Variants in RBFOX1 observed in about 807,000 individuals in gnomAD.
The protein encoded by RBFOX1 is RNA binding fox-1 homolog 1.
RBFOX1 carries 8 observed loss-of-function variants against 57.7 expected under a neutral mutation model. The observed-to-expected ratio is 0.14, with a 90% CI of 0.08 to 0.25. RBFOX1 has a LOEUF of 0.25. RBFOX1 is among the 10% of genes least tolerant of loss of function. The pLI is 1.00. For synonymous variants in RBFOX1, 326 were observed against 222.4 expected, an observed-to-expected ratio of 1.47 and a Z score of -4.15; for missense variants, 611 against 548.5, an observed-to-expected ratio of 1.11 and a Z score of -1.14.
intron 1 of RBFOX1, among the ~76,000 whole-genome samples, chr16:5,265,483 G>T (rs1212505516): frequency 6.6e-6 from 1 of 152,142 alleles, no homozygotes; most frequent in Non-Finnish European, 1.5e-5. Context: ...AGAACCCAGA[G>T]AATTGGATTT....
chr16:6,939,383 A>ATGTGTGTG (rs139095238), intron 3 of RBFOX1, among the ~76,000 whole-genome samples: 3 of 149,368 alleles, frequency 2.0e-5, no homozygotes, highest in African/African-American at 7.4e-5. Context: ...ATATATGTGT[A>ATGTGTGTG]TGTGTGTGTG....
chr16:6,520,076 C>T (rs17540821), intron 2 of RBFOX1, among the ~76,000 whole-genome samples: 11 of 152,158 alleles, frequency 7.2e-5, no homozygotes, highest in Middle Eastern at 3.2e-3. Flanking sequence ...TATTTCGTGA[C>T]CAGAGACCAG....
intron 4 of RBFOX1, among the ~76,000 whole-genome samples, chr16:5,978,124 C>T (rs992323458): frequency 8.3e-5 from 6 of 72,078 alleles, no homozygotes; most frequent in African/African-American, 3.5e-4. Context: ...AATCCTGTCT[C>T]TTCCAAAAAA....
chr16:5,285,988 T>C (rs1488847768), intron 1 of RBFOX1, among the ~76,000 whole-genome samples: 1 of 152,178 alleles, frequency 6.6e-6, no homozygotes. Flanking sequence ...GCCGGGCTGG[T>C]CTCGAACTCC....
chr16:6,500,791 A>G (rs1312044642), intron 2 of RBFOX1, among the ~76,000 whole-genome samples: 2 of 151,810 alleles, frequency 1.3e-5, no homozygotes, highest in Non-Finnish European at 2.9e-5. Flanking sequence ...CAACTGTGAT[A>G]TGTGTGCAGG....
chr16:7,249,635 G>C (rs1363141591), intron 4 of RBFOX1, among the ~76,000 whole-genome samples: 1 of 151,078 alleles, frequency 6.6e-6, no homozygotes, highest in Non-Finnish European at 1.5e-5. Flanking sequence ...ATAATGAAAG[G>C]GCTGAAGAAT....
chr16:6,075,748 G>A (rs908770044), intron 1 of RBFOX1, among the ~76,000 whole-genome samples: 2 of 152,186 alleles, frequency 1.3e-5, no homozygotes, highest in Non-Finnish European at 2.9e-5. Flanking sequence ...AGTCCCAGAA[G>A]GAACTTGGGG....
intron 4 of RBFOX1, among the ~76,000 whole-genome samples, chr16:7,311,669 C>T (rs1302913795): frequency 2.6e-5 from 4 of 152,056 alleles, no homozygotes; most frequent in Non-Finnish European, 4.4e-5. Context: ...ATATTGGTAC[C>T]TAAACCCAGA....
intron 3 of RBFOX1, among the ~76,000 whole-genome samples, chr16:6,702,574 C>A (rs1426194991): frequency 1.3e-5 from 2 of 151,302 alleles, no homozygotes; most frequent in Non-Finnish European, 2.9e-5. Context: ...AACAAAAATC[C>A]AAATTATATC....
intron 2 of RBFOX1, among the ~76,000 whole-genome samples, chr16:6,578,672 C>A (rs1046445353): frequency 1.4e-5 from 2 of 139,614 alleles, no homozygotes; most frequent in East Asian, 2.1e-4. Flanking sequence ...GGAGAGAGAA[C>A]CCCAGAGAGA....
intron 4 of RBFOX1, among the ~76,000 whole-genome samples, chr16:7,231,792 C>T (rs888054725): frequency 1.3e-5 from 2 of 152,140 alleles, no homozygotes; most frequent in African/African-American, 2.4e-5. Flanking sequence ...AGTAAAAGAA[C>T]CCAGAATCAA....
chr16:6,809,221 T>G (rs1395245721), intron 3 of RBFOX1, among the ~76,000 whole-genome samples: 1 of 152,152 alleles, frequency 6.6e-6, no homozygotes, highest in East Asian at 1.9e-4. Flanking sequence ...TACGCTGGAG[T>G]CTCTGAATCT....
chr16:5,827,599 A>G (rs2056110807), intron 3 of RBFOX1, among the ~76,000 whole-genome samples: 1 of 152,022 alleles, frequency 6.6e-6, no homozygotes, highest in African/African-American at 2.4e-5. Context: ...TGTCTTAACT[A>G]CTCAACTCTA....
At chr16:7,094,722 G>C (rs1025892587) in intron 4 of RBFOX1, among the ~76,000 whole-genome samples, 1 of 145,054 alleles carries the variant, frequency 6.9e-6, no homozygotes, top group Non-Finnish European at 1.5e-5. Flanking sequence ...CTGATGAACT[G>C]AAATAAGGGC....
rs201938351 is a variant in RBFOX1, at chr16:5,978,696, G to T, written c.351+111361G>T. ...TTTGTTTGTTTTTTTTTTTGTTGTT[G>T]TTGTTTTTTTAAATGATGACAGTGT... is the stretch of plus-strand genomic sequence containing the variant. On this transcript the variant is annotated intron_variant, in intron 4 of 19. Transcript: ENST00000641259. 1.7e-3 allele frequency among the ~76,000 whole-genome samples: 253 copies of T among 147,568 alleles called. 1 individual carries two copies. In the East Asian group the frequency reaches 0.039, roughly 23 times the overall value.
At chr16:7,493,444 A>G (rs1599884742) in intron 4 of RBFOX1, among the ~76,000 whole-genome samples, 2 of 152,330 alleles carry the variant, frequency 1.3e-5, no homozygotes, top group East Asian at 3.9e-4. Context: ...GTTACTGTAT[A>G]TGGAAAAAGG....
At chr16:5,257,373 AC>A (rs902497435) in intron 1 of RBFOX1, among the ~76,000 whole-genome samples, 2 of 152,112 alleles carry the variant, frequency 1.3e-5, no homozygotes, top group Non-Finnish European at 2.9e-5. Flanking sequence ...GGGCAGGTTT[AC>A]CTCTCTGAGC....
intron 2 of RBFOX1, among the ~76,000 whole-genome samples, chr16:5,567,542 T>C (rs1445006366): frequency 6.9e-6 from 1 of 145,752 alleles, no homozygotes; most frequent in Non-Finnish European, 1.5e-5. Context: ...TTTTTTGTAC[T>C]AGGCTTTACA....
intron 3 of RBFOX1, among the ~76,000 whole-genome samples, chr16:5,614,838 C>G (rs1044433271): frequency 1.3e-5 from 2 of 152,206 alleles, no homozygotes; most frequent in African/African-American, 4.8e-5. Flanking sequence ...ATATGCTTAT[C>G]GTTTAGAGAA....
Sources: allele counts gnomAD v4.1 joint callset (sites outside exome capture counted in the v4.1 genomes callset), GRCh38; gene constraint gnomAD v4.1.1; transcripts MANE v1.5; gene names NCBI Gene and HGNC (gene_info 2026-07-23, HGNC 2026-07-21).